Variants in EYS observed in about 807,000 individuals in gnomAD.
EYS encodes the protein EGF-like photoreceptor maintenance factor.
In EYS, 250 loss-of-function variants were observed where a neutral mutation model predicts 282.1. That is an observed-to-expected ratio of 0.89 (90% CI 0.80 to 0.98). EYS has a LOEUF of 0.98. Ranked by LOEUF, EYS falls within the 50% of genes least tolerant of loss-of-function variation. The pLI, the probability that EYS is intolerant of heterozygous loss-of-function variation, is 0.00. For missense variants in EYS, 4,016 were observed against 3,709.0 expected (o/e 1.08, Z -2.15); for synonymous variants, 1,355 against 1,282.9 (o/e 1.06, Z -1.20).
intron 22 of EYS, among the ~76,000 whole-genome samples, chr6:64,802,048 T>TTTTTTTTTTTC (rs1562199522): frequency 7.1e-6 from 1 of 141,838 alleles, no homozygotes; most frequent in Non-Finnish European, 1.5e-5. Flanking sequence ...TTTTTTTTTT[T>TTTTTTTTTTTC]TTTGAGACGG....
At chr6:64,018,461 G>A (rs893808754) in intron 33 of EYS, among the ~76,000 whole-genome samples, 2 of 152,076 alleles carry the variant, frequency 1.3e-5, no homozygotes, top group Admixed American at 6.6e-5. Flanking sequence ...CTTGCACATT[G>A]AGTAAGAATA....
chr6:64,502,487 G>C (rs1427572979), intron 26 of EYS, among the ~76,000 whole-genome samples: 1 of 152,166 alleles, frequency 6.6e-6, no homozygotes, highest in Non-Finnish European at 1.5e-5. Flanking sequence ...TCCCAAAAGT[G>C]CTGGGATTAC....
chr6:64,442,154 G>T (rs979395189), intron 26 of EYS, among the ~76,000 whole-genome samples: 1 of 152,190 alleles, frequency 6.6e-6, no homozygotes, highest in African/African-American at 2.4e-5. Context: ...GTCTAAGACA[G>T]AGATTAGGAA....
intron 35 of EYS, among the ~76,000 whole-genome samples, chr6:63,891,110 A>G (rs1773395431): frequency 1.3e-5 from 2 of 152,220 alleles, no homozygotes; most frequent in Non-Finnish European, 2.9e-5. Context: ...CCTACTGACA[A>G]AAAAGTACCC....
At chr6:65,332,700 ATAAC>A (rs199683243) in intron 11 of EYS, among the ~76,000 whole-genome samples, 5,342 of 151,380 alleles carry the variant, frequency 0.035, 144 homozygotes, top group Non-Finnish European at 0.055. Flanking sequence ...GAGGTGGTGA[ATAAC>A]TACTCTTAAT....
At chr6:63,832,542 A>C (rs1008947548) in intron 36 of EYS, among the ~76,000 whole-genome samples, 5 of 152,216 alleles carry the variant, frequency 3.3e-5, no homozygotes, top group Non-Finnish European at 5.9e-5. Flanking sequence ...TGAATAGACC[A>C]ATAACAGGCT....
intron 26 of EYS, among the ~76,000 whole-genome samples, chr6:64,533,425 G>A (rs1764416777): frequency 6.6e-6 from 1 of 151,992 alleles, no homozygotes; most frequent in Admixed American, 6.6e-5. Context: ...AAACTGCTTA[G>A]AAGCAAAGAA....
intron 12 of EYS, among the ~76,000 whole-genome samples, chr6:65,244,681 T>C (rs1024448132): frequency 1.1e-5 from 1 of 91,250 alleles, no homozygotes; most frequent in African/African-American, 5.1e-5. Context: ...CCCGGGTAAT[T>C]TTTTGTATTT....
chr6:65,039,070 TACATGTTCTAATAC>T (rs1274648262), intron 13 of EYS, among the ~76,000 whole-genome samples: 1 of 151,474 alleles, frequency 6.6e-6, no homozygotes, highest in Non-Finnish European at 1.5e-5. Flanking sequence ...TTGCTTATTT[TACATGTTCTAATAC>T]AAAAATTCCT....
intron 31 of EYS, among the ~76,000 whole-genome samples, chr6:64,166,772 C>A (rs2150304211): frequency 6.6e-6 from 1 of 152,248 alleles, no homozygotes; most frequent in South Asian, 2.1e-4. Context: ...GGGAAAAGAT[C>A]ATGGTGCTTA....
At chr6:65,483,053 T>C (rs1392229800) in intron 5 of EYS, among the ~76,000 whole-genome samples, 1 of 152,162 alleles carries the variant, frequency 6.6e-6, no homozygotes, top group Non-Finnish European at 1.5e-5. Context: ...AATAAATCAC[T>C]TTCTAATGGA....
At chr6:63,736,127 T>A (rs1226670414) in intron 41 of EYS, among the ~76,000 whole-genome samples, 1 of 152,246 alleles carries the variant, frequency 6.6e-6, no homozygotes, top group Non-Finnish European at 1.5e-5. Flanking sequence ...TTGTTGCCAT[T>A]GCTTTTGGTG....
intron 12 of EYS, among the ~76,000 whole-genome samples, chr6:65,070,450 C>G (rs1177753086): frequency 1.3e-5 from 2 of 151,886 alleles, no homozygotes; most frequent in Non-Finnish European, 2.9e-5. Context: ...CACTGTTGGA[C>G]TCTACTCATA....
At chr6:64,452,377 G>A (rs1459383427) in intron 26 of EYS, among the ~76,000 whole-genome samples, 2 of 152,128 alleles carry the variant, frequency 1.3e-5, no homozygotes, top group African/African-American at 4.8e-5. Context: ...ACAAATGGAA[G>A]AACATTCCAT....
At chr6:64,727,708 T>G (rs944954530) in intron 22 of EYS, among the ~76,000 whole-genome samples, 3 of 152,160 alleles carry the variant, frequency 2.0e-5, no homozygotes, top group Admixed American at 1.3e-4. Context: ...GCCAACAACA[T>G]CTTAGCACAC....
chr6:64,599,285 G>T (rs577227314), intron 24 of EYS, among the ~76,000 whole-genome samples: 1 of 152,278 alleles, frequency 6.6e-6, no homozygotes, highest in South Asian at 2.1e-4. Flanking sequence ...GGGAAGCAGG[G>T]ACTGATCCAG....
intron 22 of EYS, among the ~76,000 whole-genome samples, chr6:64,799,953 C>G (rs1052710139): frequency 2.6e-5 from 4 of 151,856 alleles, no homozygotes; most frequent in Non-Finnish European, 5.9e-5. Flanking sequence ...TGCCCACACA[C>G]AAATATACAA....
chr6:65,002,124 G>A (rs1349855375), intron 13 of EYS, among the ~76,000 whole-genome samples: 3 of 145,932 alleles, frequency 2.1e-5, no homozygotes, highest in Non-Finnish European at 3.1e-5. Flanking sequence ...ATTATAGTAG[G>A]GCTGCCTACA....
At chr6:65,385,808 A>G (rs1274297594) in intron 7 of EYS, among the ~76,000 whole-genome samples, 2 of 151,958 alleles carry the variant, frequency 1.3e-5, no homozygotes, top group African/African-American at 4.8e-5. Context: ...TACGTCTCTC[A>G]TTCTGAGGGG....
Sources: gnomAD v4.1 joint callset for allele counts (sites outside exome capture counted in the v4.1 genomes callset) on GRCh38, gnomAD v4.1.1 for gene constraint, MANE v1.5 for transcripts, NCBI Gene and HGNC (gene_info 2026-07-23, HGNC 2026-07-21) for gene names.